PLEKHJ1: variants seen among roughly 807,000 people sequenced by gnomAD.
The protein encoded by PLEKHJ1 is pleckstrin homology domain containing J1.
PLEKHJ1 carries 20 observed loss-of-function variants against 21.7 expected under a neutral mutation model. The ratio of observed to expected loss-of-function variants is 0.92; its 90% CI spans 0.65 to 1.34. The LOEUF is 1.34. Among genes scored for constraint, PLEKHJ1 ranks in the 40% most tolerant of loss-of-function variants. The pLI, the probability that PLEKHJ1 is intolerant of heterozygous loss-of-function variation, is 0.00. For synonymous variants in PLEKHJ1, 113 were observed against 80.6 expected, an observed-to-expected ratio of 1.40 and a Z score of -2.15; for missense variants, 241 against 202.0, an observed-to-expected ratio of 1.19 and a Z score of -1.17.
chr19:2,234,090 T>C, intron 4 of PLEKHJ1, 29 bp from the exon 5 acceptor site: 1 of 1,613,264 alleles, frequency 6.2e-7, no homozygotes. Flanking sequence ...CGGGGTCAAA[T>C]GCCCGCTCTG....
chr19:2,235,692 A>G lies in PLEKHJ1; in HGVS notation c.229+70T>C, dbSNP rs1379747255. The G allele has an allele frequency of 4.3e-6, 6 of 1,389,926 alleles. No homozygotes were observed. In the African/African-American group the frequency reaches 4.4e-5, roughly 10 times the overall value. 86.1% of individuals were successfully genotyped at this position (1,389,926 alleles called of 1,614,324 possible). On this transcript the variant is annotated intron_variant, in intron 3 of 5. Transcript: ENST00000326631. ...CAGAGGAGACCTTGGGCGCCCGGGG[A>G]GGGGAAAGTGCGGCGCTGCGGGTGC...
At chr19:2,230,030 C>G (rs1196590568), downstream of PLEKHJ1, 4 of 663,332 alleles carry the variant, frequency 6.0e-6, no homozygotes, top group Non-Finnish European at 1.0e-5. Flanking sequence ...ACAATTCTGA[C>G]TTATTTTATT....
In PLEKHJ1 at chr19:2,233,871, GCCT is replaced by G. The variant is rs769133845; in HGVS notation, c.416_418del (p.Glu139del). 64 of 1,611,866 alleles carry G rather than the reference GCCT, an allele frequency of 4.0e-5. No individual in the cohort carries two copies. Among genetic ancestry groups the G allele is most frequent in the East Asian group, 6.7e-5 (3 of 44,892 alleles). ...CTGCAAGCCACTCAGCTGGAACCTG[GCCT>G]CCTCGGATATGCCGAACTGTTCCAG... On this transcript the variant is annotated inframe_deletion, in exon 6 of 6. Coordinates refer to ENST00000326631, the MANE Select transcript of PLEKHJ1 (RefSeq NM_018049.3).
chr19:2,230,219 G>A (rs2024538818), downstream of PLEKHJ1: 1 of 415,190 alleles, frequency 2.4e-6, no homozygotes, highest in Non-Finnish European at 4.2e-6. Flanking sequence ...ACTAGACGCT[G>A]ACAACGCCGA....
At chr19:2,235,236 T>G (rs1040641316) in intron 3 of PLEKHJ1, 1 of 152,742 alleles carries the variant, frequency 6.5e-6, no homozygotes, top group Non-Finnish European at 1.5e-5. Context: ...ATCTAGGATT[T>G]CTGGCCTCCA....
Position 2,235,774 on chromosome 19 carries a change from T to TGCC in PLEKHJ1, c.214_216dup (p.Gly72dup). The TGCC allele has an allele frequency of 6.5e-7, 1 of 1,548,906 alleles. No individual in the cohort carries two copies. Among genetic ancestry groups the TGCC allele is most frequent in the East Asian group, 2.4e-5 (1 of 40,904 alleles). On this transcript the variant is annotated inframe_insertion, in exon 3 of 6. Coordinates refer to ENST00000326631, the MANE Select transcript of PLEKHJ1 (RefSeq NM_018049.3). Reference sequence around the variant, plus strand: ...TAGCCCCACTCACTGATGGAGAAGGTGCCGGGCTCTTCCCGGACGACTCTG... The same window carrying TGCC: ...TAGCCCCACTCACTGATGGAGAAGGTGCCGCCGGGCTCTTCCCGGACGACTCTG...
chr19:2,234,301 T>C, intron 3 of PLEKHJ1, 61 bp from the exon 4 acceptor site: 10 of 1,327,498 alleles, frequency 7.5e-6, no homozygotes, highest in Non-Finnish European at 9.6e-6. Flanking sequence ...CCTCTTGCCA[T>C]TGCCCATAAA....
In PLEKHJ1 at chr19:2,233,592, G is replaced by A. The variant is rs954399178; in HGVS notation, c.*248C>T. 3 of 548,750 alleles carry A rather than the reference G, an allele frequency of 5.5e-6. No homozygotes were observed. The highest frequency in any genetic ancestry group is 3.3e-5 in the Admixed American group (1 of 29,982). The allele number at this position is 548,750 out of a possible 1,614,324, so 34.0% of individuals were successfully genotyped here. A position where few individuals can be genotyped will look rare whatever the true frequency, so the allele number is the denominator to read the frequency against. On this transcript the variant is annotated 3_prime_UTR_variant, in exon 6 of 6. Coordinates refer to ENST00000326631, the MANE Select transcript of PLEKHJ1 (RefSeq NM_018049.3). ...CTCCCACTGAAAATCCAGGTGTGAT[G>A]GCCGGGTGTGGCGGCTCATGCCTGT...
chr19:2,234,271 C>T (rs1294822565), intron 3 of PLEKHJ1, 31 bp from the exon 4 acceptor site: 11 of 1,544,102 alleles, frequency 7.1e-6, no homozygotes, highest in Non-Finnish European at 9.8e-6. Flanking sequence ...GTCGGTCCTA[C>T]CCACAGCCAC....
At chr19:2,235,425 ATAACAAT>A in intron 3 of PLEKHJ1, 1 of 279,492 alleles carries the variant, frequency 3.6e-6, no homozygotes, top group Non-Finnish European at 6.7e-6. Flanking sequence ...CCGGGGCCAT[ATAACAAT>A]GCTAGACCCA....
downstream of PLEKHJ1, chr19:2,230,113 G>A (rs2024533981): frequency 1.5e-5 from 8 of 535,530 alleles, no homozygotes; most frequent in Admixed American, 7.2e-5. Context: ...ATAAAGACAC[G>A]TGTCTGCAGG....
In PLEKHJ1 at chr19:2,233,989, T is replaced by C. The variant is rs528834001; in HGVS notation, c.384+9A>G. ...GCCCCACCCCGGCCCTCTGCAGCCC[T>C]GCACACACCTTGCCCGTCACCTTCC... is the stretch of plus-strand genomic sequence containing the variant. On this transcript the variant is annotated intron_variant, in intron 5 of 5. Transcript: ENST00000326631. 44 of 1,612,942 alleles carry C rather than the reference T, an allele frequency of 2.7e-5. No homozygotes were observed. The South Asian group carries it at 3.3e-4, about 12-fold the overall frequency.
intron 3 of PLEKHJ1, chr19:2,234,760 G>C (rs1004342826): frequency 6.5e-5 from 10 of 153,834 alleles, no homozygotes; most frequent in African/African-American, 1.7e-4. Flanking sequence ...AGCACTTTGG[G>C]AGGCCGAGGT....
At chr19:2,232,374 C>G (rs888427477), downstream of PLEKHJ1, 6 of 204,436 alleles carry the variant, frequency 2.9e-5, no homozygotes, top group Non-Finnish European at 5.9e-5. Context: ...CGTGGTCAGA[C>G]CCCCCTCCCA....
chr19:2,232,265 CTTATT>C (rs1173873921), downstream of PLEKHJ1: 1 of 216,608 alleles, frequency 4.6e-6, no homozygotes, highest in Non-Finnish European at 9.3e-6. Context: ...CGCACAGTGA[CTTATT>C]TAAGACTTCC....
chr19:2,232,535 C>T (rs934038268), downstream of PLEKHJ1: 4 of 216,658 alleles, frequency 1.8e-5, no homozygotes, highest in African/African-American at 9.0e-5. Context: ...CATTCTGCAT[C>T]CCCACCTCTA....
chr19:2,234,005 G>A lies in PLEKHJ1; in HGVS notation c.377C>T (p.Thr126Met), dbSNP rs146362675. The change falls in exon 5 of 6, where the codon ACG (threonine) becomes ATG (methionine). Residue 126 changes from threonine (T) to methionine (M), a missense_variant. Coordinates refer to ENST00000326631, the MANE Select transcript of PLEKHJ1 (RefSeq NM_018049.3). ...CTGCAGCCCTGCACACACCTTGCCC[G>A]TCACCTTCCGGATTTCGTTCCTGTA... is the stretch of plus-strand genomic sequence containing the variant. The part of the protein sequence containing the change: ...IFYRNEIRKV[T>M]GKDPLEQFGI... 788 of 1,613,134 alleles carry A rather than the reference G, an allele frequency of 4.9e-4. 4 individuals carry two copies. Among genetic ancestry groups the A allele is most frequent in the Middle Eastern group, 1.8e-3 (11 of 6,058 alleles).
chr19:2,234,815 T>TA (rs1371200847), intron 3 of PLEKHJ1: 2 of 152,396 alleles, frequency 1.3e-5, no homozygotes, highest in African/African-American at 4.8e-5. Context: ...GCCTGGCCAA[T>TA]ATGGCGAAAC....
chr19:2,233,008 C>G (rs985020691), downstream of PLEKHJ1: 1 of 152,446 alleles, frequency 6.6e-6, no homozygotes, highest in Non-Finnish European at 1.5e-5. Flanking sequence ...TGGGTCCCAG[C>G]CTCCACCTGT....
Sources: allele counts gnomAD v4.1 joint callset, GRCh38; gene constraint gnomAD v4.1.1; transcripts MANE v1.5; gene names NCBI Gene and HGNC (gene_info 2026-07-23, HGNC 2026-07-21).